Variants in RABGAP1L observed in about 807,000 individuals in gnomAD.
The protein encoded by RABGAP1L is rab GTPase-activating protein 1-like.
RABGAP1L carries 63 observed loss-of-function variants against 137.7 expected under a neutral mutation model. That is an observed-to-expected ratio of 0.46 (90% CI 0.37 to 0.56). The LOEUF (loss-of-function observed/expected upper bound fraction) is 0.56. Ranked by LOEUF, RABGAP1L falls within the 20% of genes least tolerant of loss-of-function variation. RABGAP1L has a pLI of 0.00. For synonymous variants in RABGAP1L, 431 were observed against 433.7 expected, an observed-to-expected ratio of 0.99 and a Z score of 0.08; for missense variants, 1,095 against 1,244.0, an observed-to-expected ratio of 0.88 and a Z score of 1.80.
At chr1:174,889,368 C>T (rs866644468) in intron 19 of RABGAP1L, among the ~76,000 whole-genome samples, 9 of 152,144 alleles carry the variant, frequency 5.9e-5, no homozygotes, top group South Asian at 2.1e-4. Flanking sequence ...GTGGTCCGCC[C>T]GCCTCAGCCT....
chr1:174,482,225 T>G (rs1659170895), intron 13 of RABGAP1L, among the ~76,000 whole-genome samples: 1 of 152,222 alleles, frequency 6.6e-6, no homozygotes, highest in African/African-American at 2.4e-5. Flanking sequence ...CCAAAAGGAA[T>G]GCAGCTGATG....
Position 174,848,785 on chromosome 1 carries a change from A to G in RABGAP1L, c.2340+36825A>G, listed in dbSNP as rs375978738. Among the ~76,000 whole-genome samples the G allele has an allele frequency of 6.6e-4, 100 of 150,476 alleles. 1 individual carries two copies. Among genetic ancestry groups the G allele is most frequent in the Admixed American group, 4.5e-3 (68 of 15,178 alleles). On this transcript the variant is annotated intron_variant, in intron 19 of 25. Coordinates refer to ENST00000681986, the MANE Select transcript of RABGAP1L (RefSeq NM_001366446.1). ...TTCGAGCTTCCCGGCTGCTTTGTTT[A>G]CCTAAGCAAGCCTGGGCAATGGCGG...
chr1:174,616,129 G>T (rs913503798), intron 13 of RABGAP1L, among the ~76,000 whole-genome samples: 2 of 152,184 alleles, frequency 1.3e-5, no homozygotes, highest in African/African-American at 4.8e-5. Flanking sequence ...CATGAACCTG[G>T]TACCTCAGAT....
intron 13 of RABGAP1L, among the ~76,000 whole-genome samples, chr1:174,429,356 C>A (rs1318167094): frequency 6.6e-6 from 1 of 152,024 alleles, no homozygotes; most frequent in African/African-American, 2.4e-5. Flanking sequence ...CTTTCCCTAA[C>A]CAACAAGCCC....
At chr1:174,578,100 A>G (rs946672936) in intron 13 of RABGAP1L, among the ~76,000 whole-genome samples, 1 of 152,250 alleles carries the variant, frequency 6.6e-6, no homozygotes, top group Non-Finnish European at 1.5e-5. Flanking sequence ...AAAGTAGTGC[A>G]TATGTGCCTG....
chr1:174,655,119 C>A (rs1675867827), intron 14 of RABGAP1L, among the ~76,000 whole-genome samples: 1 of 113,822 alleles, frequency 8.8e-6, no homozygotes, highest in South Asian at 2.4e-4. Context: ...TGCCTCATCA[C>A]CCCTTTAGGA....
intron 10 of RABGAP1L, among the ~76,000 whole-genome samples, chr1:174,293,612 AG>A (rs1676833342): frequency 6.6e-6 from 1 of 152,118 alleles, no homozygotes; most frequent in African/African-American, 2.4e-5. Flanking sequence ...AGGTTTTATT[AG>A]GGGTCAAGGT....
intron 13 of RABGAP1L, among the ~76,000 whole-genome samples, chr1:174,616,582 C>G (rs2148244257): frequency 6.6e-6 from 1 of 152,222 alleles, no homozygotes; most frequent in South Asian, 2.1e-4. Context: ...ATTAAAATAG[C>G]AGAGTGAAAG....
intron 13 of RABGAP1L, among the ~76,000 whole-genome samples, chr1:174,569,545 T>G (rs1291232466): frequency 6.6e-6 from 1 of 152,194 alleles, no homozygotes; most frequent in African/African-American, 2.4e-5. Context: ...TTCCTCTTAC[T>G]TTTTCACCTG....
chr1:174,309,366 G>T (rs895570032), intron 11 of RABGAP1L, among the ~76,000 whole-genome samples: 1 of 151,906 alleles, frequency 6.6e-6, no homozygotes, highest in Non-Finnish European at 1.5e-5. Flanking sequence ...TTGCCTAATT[G>T]CTTTGGCCAG....
intron 1 of RABGAP1L, among the ~76,000 whole-genome samples, chr1:174,190,401 A>T (rs530197335): frequency 7.3e-5 from 11 of 151,298 alleles, no homozygotes; most frequent in South Asian, 6.3e-4. Context: ...GTAAGAAATC[A>T]TTTTTTTTTA....
intron 10 of RABGAP1L, 98 bp from the exon 11 acceptor site, chr1:174,304,888 T>G: frequency 8.8e-7 from 1 of 1,135,928 alleles, no homozygotes; most frequent in Non-Finnish European, 1.2e-6. Flanking sequence ...AACACGCCAT[T>G]CTTCATTGCA....
chr1:174,641,739 C>A (rs1557940591), intron 14 of RABGAP1L, among the ~76,000 whole-genome samples: 1 of 152,112 alleles, frequency 6.6e-6, no homozygotes, highest in Admixed American at 6.5e-5. Context: ...CTAAGTAGAT[C>A]TAAGAATGAG....
intron 13 of RABGAP1L, among the ~76,000 whole-genome samples, chr1:174,411,149 T>C (rs1424843691): frequency 6.6e-6 from 1 of 152,148 alleles, no homozygotes; most frequent in African/African-American, 2.4e-5. Context: ...GCAGAGTCTT[T>C]AGGGTTTTCT....
chr1:174,819,341 T>TA (rs891382393), intron 19 of RABGAP1L, among the ~76,000 whole-genome samples: 8 of 151,972 alleles, frequency 5.3e-5, no homozygotes, highest in South Asian at 2.1e-4. Context: ...TCTTTAATGC[T>TA]AAAAAAATTT....
At chr1:174,304,925 C>T in intron 10 of RABGAP1L, 61 bp from the exon 11 acceptor site, 3 of 1,372,990 alleles carry the variant, frequency 2.2e-6, no homozygotes, top group East Asian at 2.8e-5. Context: ...TATTTAAATA[C>T]TATCTTTCAA....
intron 14 of RABGAP1L, among the ~76,000 whole-genome samples, chr1:174,637,819 A>G (rs1049897185): frequency 2.0e-5 from 3 of 152,184 alleles, no homozygotes; most frequent in Non-Finnish European, 4.4e-5. Flanking sequence ...TCATGCAGCA[A>G]TTGTCTCCAT....
chr1:174,886,823 C>CT (rs989686088), intron 19 of RABGAP1L, among the ~76,000 whole-genome samples: 21 of 127,272 alleles, frequency 1.7e-4, no homozygotes, highest in Non-Finnish European at 2.0e-4. Flanking sequence ...TTTTTTTTTT[C>CT]TTTTTTTTTG....
chr1:174,678,036 A>T (rs1454277467), intron 14 of RABGAP1L, among the ~76,000 whole-genome samples: 1 of 152,160 alleles, frequency 6.6e-6, no homozygotes, highest in Non-Finnish European at 1.5e-5. Context: ...AAGAGAAAAT[A>T]TAAGTTTAAA....
Sources: gnomAD v4.1 joint callset for allele counts (sites outside exome capture counted in the v4.1 genomes callset) on GRCh38, gnomAD v4.1.1 for gene constraint, MANE v1.5 for transcripts, NCBI Gene and HGNC (gene_info 2026-07-23, HGNC 2026-07-21) for gene names.